The following ATXN7L1 variants were observed in gnomAD, a reference collection of about 807,000 sequenced individuals.
The protein encoded by ATXN7L1 is ataxin-7-like protein 1.
A neutral mutation model predicts 70.8 loss-of-function variants in ATXN7L1; 15 were observed. The observed-to-expected ratio is 0.21, with a 90% CI of 0.14 to 0.33. ATXN7L1 has a LOEUF of 0.33. ATXN7L1 is among the 10% of genes least tolerant of loss of function. ATXN7L1 has a pLI of 1.00. For synonymous variants in ATXN7L1, 440 were observed against 445.1 expected, an observed-to-expected ratio of 0.99 and a Z score of 0.14; for missense variants, 975 against 1,097.1, an observed-to-expected ratio of 0.89 and a Z score of 1.57.
At chr7:105,684,179 C>T (rs113014659) in intron 3 of ATXN7L1, among the ~76,000 whole-genome samples, 2 of 152,156 alleles carry the variant, frequency 1.3e-5, no homozygotes, top group East Asian at 1.9e-4. Context: ...GCCAAGCTCC[C>T]GTGTAATGAC....
intron 3 of ATXN7L1, among the ~76,000 whole-genome samples, chr7:105,780,403 G>A (rs1803354188): frequency 6.6e-6 from 1 of 151,934 alleles, no homozygotes; most frequent in Non-Finnish European, 1.5e-5. Flanking sequence ...AAATTCTACT[G>A]CATCACCATC....
At chr7:105,784,217 G>T (rs935204174) in intron 3 of ATXN7L1, among the ~76,000 whole-genome samples, 2 of 152,040 alleles carry the variant, frequency 1.3e-5, no homozygotes, top group Non-Finnish European at 2.9e-5. Context: ...CCCTCCCTTG[G>T]CCTCCCAAAA....
chr7:105,821,703 C>T (rs1210388652), intron 2 of ATXN7L1, among the ~76,000 whole-genome samples: 1 of 152,248 alleles, frequency 6.6e-6, no homozygotes, highest in Admixed American at 6.5e-5. Context: ...ACCTCTCTCA[C>T]TTTCAGTTTC....
chr7:105,684,275 T>C (rs904076478), intron 3 of ATXN7L1, among the ~76,000 whole-genome samples: 1 of 152,242 alleles, frequency 6.6e-6, no homozygotes, highest in African/African-American at 2.4e-5. Flanking sequence ...CAAATGTTTG[T>C]TCCTTGAAAC....
At chr7:105,737,937 C>T (rs1411295766) in intron 3 of ATXN7L1, among the ~76,000 whole-genome samples, 2 of 152,094 alleles carry the variant, frequency 1.3e-5, no homozygotes, top group African/African-American at 4.8e-5. Flanking sequence ...ACTATGTAAT[C>T]CTTTTGGTGA....
At chr7:105,654,003 T>C (rs750046257) in intron 4 of ATXN7L1, among the ~76,000 whole-genome samples, 43 of 152,190 alleles carry the variant, frequency 2.8e-4, no homozygotes, top group Non-Finnish European at 5.6e-4. Context: ...GTTTTATTTC[T>C]ACATCTATGT....
chr7:105,826,142 G>A (rs956344122), intron 2 of ATXN7L1, among the ~76,000 whole-genome samples: 4 of 152,206 alleles, frequency 2.6e-5, no homozygotes, highest in African/African-American at 9.6e-5. Context: ...CTAGCAGTGG[G>A]TAGAGACAGG....
intron 3 of ATXN7L1, among the ~76,000 whole-genome samples, chr7:105,697,961 G>A (rs1417151294): frequency 6.6e-6 from 1 of 152,220 alleles, no homozygotes; most frequent in African/African-American, 2.4e-5. Context: ...AAGCTGGGCA[G>A]GGACGAGCAC....
At chr7:105,727,777 T>TATATATATACACACACAC (rs1462125950) in intron 3 of ATXN7L1, among the ~76,000 whole-genome samples, 2 of 90,240 alleles carry the variant, frequency 2.2e-5, no homozygotes, top group African/African-American at 1.2e-4. Flanking sequence ...TATATATATA[T>TATATATATACACACACAC]ACACACACAT....
At chr7:105,865,486 C>G (rs1041745498) in intron 2 of ATXN7L1, among the ~76,000 whole-genome samples, 16 of 151,914 alleles carry the variant, frequency 1.1e-4, no homozygotes, top group Non-Finnish European at 2.4e-4. Context: ...ACTGCAACCT[C>G]CGCCTCCCGG....
chr7:105,684,201 C>A (rs1805891605), intron 3 of ATXN7L1, among the ~76,000 whole-genome samples: 1 of 152,224 alleles, frequency 6.6e-6, no homozygotes, highest in South Asian at 2.1e-4. Context: ...ACTCATGAAT[C>A]CCATGTCTGC....
chr7:105,688,359 T>G (rs1243983625), intron 3 of ATXN7L1, among the ~76,000 whole-genome samples: 2 of 152,050 alleles, frequency 1.3e-5, no homozygotes, highest in Admixed American at 6.5e-5. Flanking sequence ...CTGGGCAACA[T>G]GGAGGAAACC....
chr7:105,739,816 C>T (rs566162127), intron 3 of ATXN7L1, among the ~76,000 whole-genome samples: 76 of 152,276 alleles, frequency 5.0e-4, no homozygotes, highest in Non-Finnish European at 8.7e-4. Flanking sequence ...GGGGATCAGT[C>T]GGCAACATGA....
chr7:105,709,911 T>G (rs1304521498), intron 3 of ATXN7L1, among the ~76,000 whole-genome samples: 1 of 152,002 alleles, frequency 6.6e-6, no homozygotes, highest in African/African-American at 2.4e-5. Context: ...CTCATTCTGT[T>G]GCACAGACTG....
At chr7:105,805,207 G>A (rs980554162) in intron 2 of ATXN7L1, among the ~76,000 whole-genome samples, 1 of 152,232 alleles carries the variant, frequency 6.6e-6, no homozygotes, top group Non-Finnish European at 1.5e-5. Context: ...GGCAAAGTGT[G>A]CTAGAGGAGG....
intron 3 of ATXN7L1, among the ~76,000 whole-genome samples, chr7:105,689,135 G>C (rs2116188786): frequency 6.6e-6 from 1 of 152,272 alleles, no homozygotes. Context: ...TTCCCGGAGT[G>C]TAGGGTGGAC....
At chr7:105,734,349 C>T (rs1211093016) in intron 3 of ATXN7L1, among the ~76,000 whole-genome samples, 2 of 152,234 alleles carry the variant, frequency 1.3e-5, no homozygotes, top group African/African-American at 4.8e-5. Flanking sequence ...AACCCAACTA[C>T]AGTCCTTTCC....
At position 105,628,792 on chromosome 7, in the gene ATXN7L1, C is replaced by CAAATAAATAAAT. The variant is rs199937717; in HGVS notation, c.1203-4537_1203-4526dup. Among the ~76,000 whole-genome samples the CAAATAAATAAAT allele has an allele frequency of 6.3e-5, 9 of 141,936 alleles. 1 individual carries two copies. The highest frequency in any genetic ancestry group is 3.6e-4 in the Admixed American group (5 of 13,764). 93.1% of individuals were successfully genotyped at this position (141,936 alleles called of 152,430 possible). On this transcript the variant is annotated intron_variant, in intron 7 of 11. Coordinates refer to ENST00000419735, the MANE Select transcript of ATXN7L1 (RefSeq NM_020725.2). The stretch of plus-strand genomic sequence containing the variant: ...GGGGCCACAGAGCGAGACTCCATCT[C>CAAATAAATAAAT]AAATAAATAAATAAATAAATAAATA...
Position 105,720,468 on chromosome 7 carries a change from C to T in ATXN7L1, c.356-55180G>A, listed in dbSNP as rs475654. Among the ~76,000 whole-genome samples the T allele has an allele frequency of 3.9e-5, 6 of 152,046 alleles. 1 individual carries two copies. The highest frequency in any genetic ancestry group is 8.8e-5 in the Non-Finnish European group (6 of 67,968). On this transcript the variant is annotated intron_variant, in intron 3 of 11. Coordinates refer to ENST00000419735, the MANE Select transcript of ATXN7L1 (RefSeq NM_020725.2). ...GGGTCTTGCTCTGTTGCTCAGACAGCAGTGCAGTGTTGTGATCACAGCTCA... is the reference window on the plus strand; with the variant it reads ...GGGTCTTGCTCTGTTGCTCAGACAGTAGTGCAGTGTTGTGATCACAGCTCA...
Sources: gnomAD v4.1 joint callset for allele counts (sites outside exome capture counted in the v4.1 genomes callset) on GRCh38, gnomAD v4.1.1 for gene constraint, MANE v1.5 for transcripts, NCBI Gene and HGNC (gene_info 2026-07-23, HGNC 2026-07-21) for gene names.